Variants in CACNB4 observed in about 807,000 individuals in gnomAD.
CACNB4 encodes the protein calcium voltage-gated channel auxiliary subunit beta 4.
In CACNB4, 32 loss-of-function variants were observed where a neutral mutation model predicts 71.2. The observed-to-expected ratio is 0.45, with a 90% confidence interval of 0.34 to 0.60. CACNB4 has a LOEUF of 0.60. Among genes scored for constraint, CACNB4 ranks in the 20% least tolerant of loss-of-function variants. The probability of loss-of-function intolerance (pLI) is 0.01; values close to 1 mark genes in which losing one functional copy is unlikely to be tolerated. For synonymous variants in CACNB4, 231 were observed against 236.9 expected (o/e 0.97, Z 0.23); for missense variants, 464 against 647.9 (o/e 0.72, Z 3.08).
chr2:151,982,784 A>G (rs1440299714), intron 2 of CACNB4, among the ~76,000 whole-genome samples: 1 of 152,206 alleles, frequency 6.6e-6, no homozygotes, highest in Non-Finnish European at 1.5e-5. Context: ...GATGAAAGAG[A>G]AAGTCATTTC....
intron 2 of CACNB4, among the ~76,000 whole-genome samples, chr2:152,026,683 A>C (rs938771975): frequency 6.6e-6 from 1 of 151,504 alleles, no homozygotes; most frequent in African/African-American, 2.4e-5. Context: ...CTCGGCCTCC[A>C]CTCCCTTTTA....
rs7582114 is a variant in CACNB4 at position 152,042,435 on chromosome 2, C to T, written c.147+55895G>A. On this transcript the variant is annotated intron_variant, in intron 2 of 13. Transcript: ENST00000539935. ...CTGCTTAACAAAGGTCTGGACCTTTCGGGCCTCTGAGGATCCCTGAGTGAG... is the reference window on the plus strand; with the variant it reads ...CTGCTTAACAAAGGTCTGGACCTTTTGGGCCTCTGAGGATCCCTGAGTGAG... Among the ~76,000 whole-genome samples the T allele has an allele frequency of 6.9e-3, 1,055 of 152,188 alleles. 16 individuals carry two copies. Among genetic ancestry groups the T allele is most frequent in the African/African-American group, 0.024 (1,013 of 41,518 alleles).
intron 2 of CACNB4, among the ~76,000 whole-genome samples, chr2:152,011,491 G>C (rs902858626): frequency 3.9e-5 from 6 of 152,154 alleles, no homozygotes. Context: ...CCCTGACCCT[G>C]AGCCAAATTC....
intron 2 of CACNB4, among the ~76,000 whole-genome samples, chr2:151,944,459 G>T (rs2099865077): frequency 6.6e-6 from 1 of 152,162 alleles, no homozygotes; most frequent in African/African-American, 2.4e-5. Context: ...GGAAGAAAAA[G>T]AGAGTATAGG....
chr2:151,971,968 C>A, intron 2 of CACNB4: 1 of 213,734 alleles, frequency 4.7e-6, no homozygotes, highest in Non-Finnish European at 9.4e-6. Flanking sequence ...CAGTACCTAG[C>A]ACTACCCGCC....
rs758957384 is a variant in CACNB4, at chr2:151,855,214, A to G, written c.1020+10T>C. ...ACTTCTAAACCTTAAGGCAGAAAGG[A>G]GCTAATTACCTTTGGAGATGAGACT... On this transcript the variant is annotated intron_variant, in intron 11 of 13. Coordinates refer to ENST00000539935, the MANE Select transcript of CACNB4 (RefSeq NM_000726.5). The G allele has an allele frequency of 6.6e-7, 1 of 1,521,808 alleles. No individual in the cohort carries two copies. The highest frequency in any genetic ancestry group is 9.0e-7 in the Non-Finnish European group (1 of 1,116,416). 94.3% of individuals were successfully genotyped at this position (1,521,808 alleles called of 1,614,324 possible).
intron 2 of CACNB4, among the ~76,000 whole-genome samples, chr2:151,975,373 G>A (rs901269749): frequency 1.1e-4 from 17 of 152,254 alleles, no homozygotes; most frequent in Admixed American, 4.6e-4. Context: ...ACCCGTTCAT[G>A]TCTTTCAATC....
chr2:151,946,464 C>G (rs757919413), intron 2 of CACNB4, among the ~76,000 whole-genome samples: 17 of 152,174 alleles, frequency 1.1e-4, no homozygotes, highest in Non-Finnish European at 2.2e-4. Flanking sequence ...GCCTCAAAAT[C>G]CTACATTACT....
At chr2:151,930,045 G>C (rs949127311) in intron 2 of CACNB4, among the ~76,000 whole-genome samples, 6 of 151,998 alleles carry the variant, frequency 3.9e-5, no homozygotes, top group African/African-American at 1.5e-4. Context: ...ATAAAGACCA[G>C]GAAAACTGTC....
intron 2 of CACNB4, among the ~76,000 whole-genome samples, chr2:152,023,432 A>C (rs16830606): frequency 0.33 from 11,154 of 34,128 alleles, 438 homozygotes; most frequent in South Asian, 0.42. Flanking sequence ...TAAAAGTGAG[A>C]GGTGCTTTTT....
chr2:151,870,129 G>A, intron 8 of CACNB4: 1 of 620,122 alleles, frequency 1.6e-6, no homozygotes, highest in South Asian at 1.9e-5. Context: ...GGTGAACTCT[G>A]TTTGGGCTTT....
chr2:152,076,021 G>T (rs1484000899), intron 2 of CACNB4, among the ~76,000 whole-genome samples: 1 of 152,144 alleles, frequency 6.6e-6, no homozygotes, highest in African/African-American at 2.4e-5. Flanking sequence ...TCAGTGTGTG[G>T]GGTATGCATT....
At chr2:152,072,871 G>A (rs1257936789) in intron 2 of CACNB4, among the ~76,000 whole-genome samples, 5 of 150,612 alleles carry the variant, frequency 3.3e-5, no homozygotes, top group Non-Finnish European at 7.4e-5. Context: ...GGATGGTCTC[G>A]ATCTCCTGAC....
intron 12 of CACNB4, 91 bp downstream of exon 12, chr2:151,853,356 AT>A: frequency 1.4e-6 from 1 of 705,148 alleles, no homozygotes; most frequent in East Asian, 2.9e-5. Flanking sequence ...CATCACCATC[AT>A]TTTAGAATGA....
intron 2 of CACNB4, among the ~76,000 whole-genome samples, chr2:152,036,609 A>G (rs1444835689): frequency 6.6e-6 from 1 of 152,106 alleles, no homozygotes; most frequent in Non-Finnish European, 1.5e-5. Flanking sequence ...AGTAAATTTT[A>G]TGTTACATGT....
intron 2 of CACNB4, among the ~76,000 whole-genome samples, chr2:152,045,396 T>C (rs1685094717): frequency 6.6e-6 from 1 of 152,170 alleles, no homozygotes; most frequent in African/African-American, 2.4e-5. Context: ...CTTGAGGATA[T>C]CATGCTACGT....
intron 2 of CACNB4, among the ~76,000 whole-genome samples, chr2:152,085,855 C>G (rs2105442471): frequency 6.7e-6 from 1 of 148,814 alleles, no homozygotes; most frequent in Non-Finnish European, 1.5e-5. Flanking sequence ...AGTGAATGTA[C>G]TGAATGCTAC....
chr2:151,867,887 G>A (rs1310912447), intron 9 of CACNB4: 1 of 152,120 alleles, frequency 6.6e-6, no homozygotes, highest in African/African-American at 2.4e-5. Flanking sequence ...CCCAGCCAAG[G>A]AACACCTGCT....
At chr2:152,025,711 G>A (rs1683925888) in intron 2 of CACNB4, among the ~76,000 whole-genome samples, 1 of 152,232 alleles carries the variant, frequency 6.6e-6, no homozygotes, top group African/African-American at 2.4e-5. Flanking sequence ...CACTGTTTCA[G>A]TCATCAAAAT....
Sources: allele counts gnomAD v4.1 joint callset (sites outside exome capture counted in the v4.1 genomes callset), GRCh38; gene constraint gnomAD v4.1.1; transcripts MANE v1.5; gene names NCBI Gene and HGNC (gene_info 2026-07-23, HGNC 2026-07-21).